ATP8B4: variants seen among roughly 807,000 people sequenced by gnomAD.
The protein encoded by ATP8B4 is probable phospholipid-transporting ATPase IM.
In ATP8B4, 133 loss-of-function variants were observed where a neutral mutation model predicts 145.6. The observed-to-expected ratio is 0.91, with a 90% CI of 0.79 to 1.05. The LOEUF is 1.05. ATP8B4 is among the 50% of genes least tolerant of loss of function. The pLI, the probability that ATP8B4 is intolerant of heterozygous loss-of-function variation, is 0.00. For missense variants in ATP8B4, 1,458 were observed against 1,425.2 expected (o/e 1.02, Z -0.37); for synonymous variants, 507 against 492.9 (o/e 1.03, Z -0.38).
intron 21 of ATP8B4, 45 bp downstream of exon 21, chr15:49,901,047 T>C (rs775050239): frequency 1.3e-6 from 2 of 1,593,122 alleles, no homozygotes; most frequent in South Asian, 1.1e-5. Flanking sequence ...GAGATGATTA[T>C]TGCAGTGAAG....
At position 49,866,432 on chromosome 15, in the gene ATP8B4, C is replaced by T; in HGVS notation, c.3080G>A (p.Gly1027Glu). 1.9e-6 allele frequency: 3 copies of T among 1,613,508 alleles called. No homozygotes were observed. Among genetic ancestry groups the T allele is most frequent in the South Asian group, 2.2e-5 (2 of 91,076 alleles). ...WTFINHVFIW[G>E]SIAIYFSILF... is the part of the protein sequence containing the mutation. ...AATGGAGAAATAAATGGCAATGCTC[C>T]CCCAGATGAAGACGTGATTAATGAA... Residue 1027 changes from glycine (G) to glutamate (E), a missense_variant, in exon 26 of 28, where the codon GGG (glycine) becomes GAG (glutamate). Coordinates refer to ENST00000284509, the MANE Select transcript of ATP8B4 (RefSeq NM_024837.4).
intron 20 of ATP8B4, chr15:49,902,147 C>T (rs1368852259): frequency 1.3e-5 from 2 of 156,332 alleles, no homozygotes; most frequent in African/African-American, 4.8e-5. Context: ...GCTGACAAAC[C>T]TACAGAAGCT....
chr15:50,159,682 G>T (rs1430185115), intron 1 of ATP8B4, among the ~76,000 whole-genome samples: 1 of 152,000 alleles, frequency 6.6e-6, no homozygotes, highest in African/African-American at 2.4e-5. Context: ...CCCAGTTTTT[G>T]AGGGATGTTG....
At chr15:50,072,510 T>C (rs1346210415) in intron 3 of ATP8B4, among the ~76,000 whole-genome samples, 4 of 152,186 alleles carry the variant, frequency 2.6e-5, no homozygotes, top group Admixed American at 6.5e-5. Context: ...TCCATAAATA[T>C]TCCTTACATC....
chr15:50,109,245 G>T (rs144702098), intron 1 of ATP8B4, among the ~76,000 whole-genome samples: 1 of 152,288 alleles, frequency 6.6e-6, no homozygotes, highest in African/African-American at 2.4e-5. Flanking sequence ...GGAGGCACTA[G>T]AGTTATAAAG....
intron 5 of ATP8B4, among the ~76,000 whole-genome samples, chr15:50,041,944 C>A (rs564622542): frequency 6.7e-6 from 1 of 149,622 alleles, no homozygotes; most frequent in Non-Finnish European, 1.5e-5. Context: ...CGTCTCAAAA[C>A]AAACAAACAA....
intron 25 of ATP8B4, among the ~76,000 whole-genome samples, chr15:49,871,467 T>G (rs760358976): frequency 6.6e-6 from 1 of 152,128 alleles, no homozygotes; most frequent in Non-Finnish European, 1.5e-5. Context: ...AAGCAGCCCA[T>G]AATATTTACT....
intron 1 of ATP8B4, among the ~76,000 whole-genome samples, chr15:50,116,207 CAGG>C (rs749479876): frequency 1.3e-5 from 2 of 152,088 alleles, no homozygotes; most frequent in Non-Finnish European, 2.9e-5. Context: ...TGCTTGAGCC[CAGG>C]AGTTAGAGAC....
chr15:49,928,101 C>T (rs2040893274), intron 16 of ATP8B4, among the ~76,000 whole-genome samples: 1 of 152,112 alleles, frequency 6.6e-6, no homozygotes, highest in Non-Finnish European at 1.5e-5. Context: ...ATGTGCCAAG[C>T]TCTGTGCTTT....
At chr15:49,966,972 C>T (rs1339651306) in intron 13 of ATP8B4, among the ~76,000 whole-genome samples, 1 of 152,024 alleles carries the variant, frequency 6.6e-6, no homozygotes, top group East Asian at 1.9e-4. Flanking sequence ...GATACTCAGG[C>T]AAACAGGGTC....
At chr15:49,996,616 C>T in intron 9 of ATP8B4, 61 bp downstream of exon 9, 1 of 1,311,342 alleles carries the variant, frequency 7.6e-7, no homozygotes, top group Non-Finnish European at 1.1e-6. Context: ...TCTCACATTA[C>T]TTTGTTGCAT....
chr15:49,971,746 T>C (rs2045154188), intron 13 of ATP8B4, among the ~76,000 whole-genome samples: 1 of 152,152 alleles, frequency 6.6e-6, no homozygotes, highest in Non-Finnish European at 1.5e-5. Context: ...AGAAATACCA[T>C]TTGACCCAGC....
intron 4 of ATP8B4, among the ~76,000 whole-genome samples, chr15:50,045,701 G>C (rs1206514926): frequency 6.6e-6 from 1 of 152,128 alleles, no homozygotes; most frequent in Non-Finnish European, 1.5e-5. Flanking sequence ...TCAACTCATG[G>C]TGAAAGCTTT....
Position 50,158,273 on chromosome 15 carries a change from C to T in ATP8B4, c.-43+23988G>A, listed in dbSNP as rs1244445569. Among the ~76,000 whole-genome samples the T allele has an allele frequency of 8.6e-5, 13 of 151,456 alleles. No individual in the cohort carries two copies. In the East Asian group the frequency reaches 1.7e-3, roughly 20 times the overall value. ...GCTGCCCAGTCTGGGAAGTGAGGAG[C>T]GCCTCTTCCCGGCCGCCATCCCATC... On this transcript the variant is annotated intron_variant, in intron 1 of 3. Coordinates refer to the ATP8B4 transcript ENST00000558829.
rs952991815 is a variant in ATP8B4, at chr15:50,002,083, C to T, written c.506+70G>A. 7.7e-6 allele frequency: 10 copies of T among 1,306,448 alleles called. No individual in the cohort carries two copies. The African/African-American group carries it at 1.3e-4, about 18-fold the overall frequency. The allele number at this position is 1,306,448 out of a possible 1,614,324, so 80.9% of individuals were successfully genotyped here. On this transcript the variant is annotated intron_variant, in intron 8 of 27. Coordinates refer to ENST00000284509, the MANE Select transcript of ATP8B4 (RefSeq NM_024837.4). ...AAGAAGATACTGAACAAGGTTAAGT[C>T]TTATCTCTAAAGACATTACTTTTAA...
At chr15:49,975,791 T>C (rs980269540) in intron 12 of ATP8B4, among the ~76,000 whole-genome samples, 3 of 152,200 alleles carry the variant, frequency 2.0e-5, no homozygotes, top group Admixed American at 1.3e-4. Context: ...TATTATTGTC[T>C]GTGTTCTTCC....
At chr15:50,108,035 T>C (rs1294237193) in intron 1 of ATP8B4, among the ~76,000 whole-genome samples, 1 of 152,074 alleles carries the variant, frequency 6.6e-6, no homozygotes, top group African/African-American at 2.4e-5. Context: ...GCCAGGTTAC[T>C]AAAACTTACG....
At chr15:50,083,130 G>C (rs977845283) in intron 2 of ATP8B4, among the ~76,000 whole-genome samples, 1 of 152,050 alleles carries the variant, frequency 6.6e-6, no homozygotes, top group Admixed American at 6.5e-5. Flanking sequence ...AAACAACCTC[G>C]TGGCCCAGTC....
rs55783703 is a variant in ATP8B4, at chr15:50,054,783, C to CA, written c.88-7320dup. 3.1e-3 allele frequency among the ~76,000 whole-genome samples: 255 copies of CA among 81,862 alleles called. 17 individuals are homozygous for CA. Among genetic ancestry groups the CA allele is most frequent in the Non-Finnish European group, 4.6e-3 (213 of 46,422 alleles). 53.7% of individuals were successfully genotyped at this position (81,862 alleles called of 152,430 possible). On this transcript the variant is annotated intron_variant, in intron 3 of 27. Coordinates refer to ENST00000284509, the MANE Select transcript of ATP8B4 (RefSeq NM_024837.4). ...TGGGCGACAGAGGGAGACTCCGCCT[C>CA]AAAAAAAAAAAAAAAAAAAAAAAAA...
Sources: allele counts gnomAD v4.1 joint callset (sites outside exome capture counted in the v4.1 genomes callset), GRCh38; gene constraint gnomAD v4.1.1; transcripts MANE v1.5; gene names NCBI Gene and HGNC (gene_info 2026-07-23, HGNC 2026-07-21).